The following PDZRN3 variants were observed in gnomAD, a reference collection of about 807,000 sequenced individuals.
The protein encoded by PDZRN3 is PDZ domain containing ring finger 3.
Under a neutral mutation model 85.7 loss-of-function variants are expected in PDZRN3, and 38 were observed. The ratio of observed to expected loss-of-function variants is 0.44; its 90% CI spans 0.34 to 0.58. The LOEUF (loss-of-function observed/expected upper bound fraction) is 0.58. Ranked by LOEUF, PDZRN3 falls within the 20% of genes least tolerant of loss-of-function variation. The pLI is 0.01. For missense variants in PDZRN3, 1,629 were observed against 1,506.4 expected (o/e 1.08, Z -1.35); for synonymous variants, 759 against 638.0 (o/e 1.19, Z -2.86).
At chr3:73,542,792 T>TA (rs1464827542) in intron 3 of PDZRN3, among the ~76,000 whole-genome samples, 3 of 151,672 alleles carry the variant, frequency 2.0e-5, no homozygotes, top group Non-Finnish European at 2.9e-5. Context: ...TAAAATAAAA[T>TA]AAAATAAAAA....
chr3:73,451,111 C>T (rs562046902), intron 3 of PDZRN3, among the ~76,000 whole-genome samples: 4 of 152,266 alleles, frequency 2.6e-5, no homozygotes, highest in African/African-American at 7.2e-5. Context: ...AATGTCAGTG[C>T]ACTGCTTGCC....
At chr3:73,469,087 T>C (rs1559695716) in intron 3 of PDZRN3, among the ~76,000 whole-genome samples, 1 of 151,920 alleles carries the variant, frequency 6.6e-6, no homozygotes, top group Non-Finnish European at 1.5e-5. Flanking sequence ...CTTTTTTTTT[T>C]TTTTGAGATG....
Position 73,607,837 on chromosome 3 carries a change from C to T in PDZRN3, c.810+761G>A, listed in dbSNP as rs917964823. Among the ~76,000 whole-genome samples, 5 of 152,316 alleles carry T rather than the reference C, an allele frequency of 3.3e-5. No individual in the cohort carries two copies. The East Asian group carries it at 5.8e-4, about 18-fold the overall frequency. On this transcript the variant is annotated intron_variant, in intron 2 of 9. Coordinates refer to ENST00000263666, the MANE Select transcript of PDZRN3 (RefSeq NM_015009.3). ...GTATCTCCTGGCCCTTAGCAAACAG[C>T]CTATGTTCAATACTTATTTGTTGAA...
chr3:73,624,188 G>A lies in PDZRN3; in HGVS notation c.638C>T (p.Ala213Val). ...AAAQLELQMT[A>V]LRYQKKFTEY... ...GGTGAATTTCTTCTGGTAGCGCAGC[G>A]CGGTCATCTGCAGCTCAAGCTGCGC... The change falls in exon 1 of 10, where the codon GCG becomes GTG. Residue 213 changes from alanine (A) to valine (V), a missense_variant. Physicochemically the swap from Ala to Val is moderately conservative, Grantham distance 64. Coordinates refer to ENST00000263666, the MANE Select transcript of PDZRN3 (RefSeq NM_015009.3). 2 of 1,499,852 alleles carry A rather than the reference G, an allele frequency of 1.3e-6. No individual in the cohort carries two copies. The highest frequency in any genetic ancestry group is 2.7e-5 in the East Asian group (1 of 36,368). 92.9% of individuals were successfully genotyped at this position (1,499,852 alleles called of 1,614,324 possible).
At chr3:73,443,823 G>A (rs1196234283) in intron 3 of PDZRN3, among the ~76,000 whole-genome samples, 4 of 151,798 alleles carry the variant, frequency 2.6e-5, no homozygotes, top group African/African-American at 9.7e-5. Context: ...TATTCACATG[G>A]TTTTACTTAA....
chr3:73,522,043 A>G (rs1490780605), intron 3 of PDZRN3, among the ~76,000 whole-genome samples: 1 of 152,224 alleles, frequency 6.6e-6, no homozygotes, highest in Admixed American at 6.5e-5. Context: ...ACATGTGAAA[A>G]TTATATGAAA....
chr3:73,421,000 T>TAATA (rs995977795), intron 3 of PDZRN3, among the ~76,000 whole-genome samples: 2 of 152,230 alleles, frequency 1.3e-5, no homozygotes, highest in Non-Finnish European at 2.9e-5. Context: ...TTATAATACC[T>TAATA]AATACAATGC....
At chr3:73,501,478 C>T (rs550401655) in intron 3 of PDZRN3, among the ~76,000 whole-genome samples, 13 of 152,322 alleles carry the variant, frequency 8.5e-5, no homozygotes, top group South Asian at 2.1e-4. Flanking sequence ...CTCACCTTGA[C>T]GACTGCAGAC....
intron 3 of PDZRN3, among the ~76,000 whole-genome samples, chr3:73,429,980 G>A (rs1409307435): frequency 1.3e-5 from 2 of 152,142 alleles, no homozygotes; most frequent in African/African-American, 4.8e-5. Flanking sequence ...GCCCCACAAA[G>A]GCAAGCATGA....
chr3:73,452,925 G>T (rs1259879659), intron 3 of PDZRN3, among the ~76,000 whole-genome samples: 1 of 150,014 alleles, frequency 6.7e-6, no homozygotes, highest in Non-Finnish European at 1.5e-5. Flanking sequence ...AATTTATTGG[G>T]CAGCTGTCAA....
intron 3 of PDZRN3, among the ~76,000 whole-genome samples, chr3:73,490,510 C>A (rs554782177): frequency 1.3e-5 from 2 of 152,214 alleles, no homozygotes; most frequent in Admixed American, 6.5e-5. Context: ...ATCTACATCA[C>A]GGCAAATGTG....
Position 73,384,862 on chromosome 3 carries a change from G to A in PDZRN3, c.1704C>T (p.Asp568=). The change falls in exon 10 of 10, where the codon GAC becomes GAT. Residue 568 remains aspartate, a synonymous_variant. Coordinates refer to ENST00000263666, the MANE Select transcript of PDZRN3 (RefSeq NM_015009.3). Reference sequence around the variant, plus strand: ...TCTCGTCGGTCCGCCCCACACCGCTGTCCTTCTCGTGCTGGTTGGACAAGA... The same window carrying A: ...TCTCGTCGGTCCGCCCCACACCGCTATCCTTCTCGTGCTGGTTGGACAAGA... The part of the protein sequence containing the change: ...ATILSNQHEK[D]SGVGRTDEST... 1 of 1,614,118 alleles carries A rather than the reference G, an allele frequency of 6.2e-7. No homozygotes were observed. The highest frequency in any genetic ancestry group is 8.5e-7 in the Non-Finnish European group (1 of 1,179,976).
At chr3:73,490,471 G>T (rs895544458) in intron 3 of PDZRN3, among the ~76,000 whole-genome samples, 1 of 152,192 alleles carries the variant, frequency 6.6e-6, no homozygotes, top group African/African-American at 2.4e-5. Flanking sequence ...CCCACTGCAA[G>T]AGCAGATCTT....
intron 3 of PDZRN3, among the ~76,000 whole-genome samples, chr3:73,468,368 CT>C (rs1703264824): frequency 6.6e-6 from 1 of 152,142 alleles, no homozygotes; most frequent in South Asian, 2.1e-4. Context: ...TTGATTCTGG[CT>C]TCCAGGGCTT....
chr3:73,456,281 A>G (rs546368568), intron 3 of PDZRN3, among the ~76,000 whole-genome samples: 1 of 152,148 alleles, frequency 6.6e-6, no homozygotes, highest in Non-Finnish European at 1.5e-5. Context: ...TTAAGGTCAG[A>G]TGGTGAAACT....
intron 3 of PDZRN3, among the ~76,000 whole-genome samples, chr3:73,406,700 C>T (rs6765336): frequency 0.62 from 94,909 of 151,888 alleles, 30,059 homozygotes; most frequent in East Asian, 0.85. Flanking sequence ...TTCTATTTAA[C>T]AGTATACAAA....
At chr3:73,540,163 A>T (rs970556673) in intron 3 of PDZRN3, among the ~76,000 whole-genome samples, 3 of 150,890 alleles carry the variant, frequency 2.0e-5, no homozygotes, top group Non-Finnish European at 4.4e-5. Flanking sequence ...ACTAAGAAAA[A>T]TTTTAAAAAA....
At chr3:73,581,817 A>G (rs1424978425) in intron 3 of PDZRN3, among the ~76,000 whole-genome samples, 2 of 151,304 alleles carry the variant, frequency 1.3e-5, no homozygotes, top group Non-Finnish European at 3.0e-5. Context: ...AAAAAAAAAA[A>G]GCTGAACATG....
rs192869726 is a variant in PDZRN3 at position 73,579,935 on chromosome 3, C to T, written c.918+22419G>A. Reference sequence around the variant, plus strand: ...AAAAATGTGTAAGTTCAAATCTCACCGAAGCAGCAATGATTCCCGATGAAC... The same window carrying T: ...AAAAATGTGTAAGTTCAAATCTCACTGAAGCAGCAATGATTCCCGATGAAC... On this transcript the variant is annotated intron_variant, in intron 3 of 9. Transcript: ENST00000263666. Among the ~76,000 whole-genome samples, 308 of 152,070 alleles carry T rather than the reference C, an allele frequency of 2.0e-3. 2 individuals carry two copies. Among genetic ancestry groups the T allele is most frequent in the African/African-American group, 7.1e-3 (294 of 41,474 alleles).
Sources: allele counts gnomAD v4.1 joint callset (sites outside exome capture counted in the v4.1 genomes callset), GRCh38; gene constraint gnomAD v4.1.1; transcripts MANE v1.5; gene names NCBI Gene and HGNC (gene_info 2026-07-23, HGNC 2026-07-21).